The following CDKL2 variants were observed in gnomAD, a reference collection of about 807,000 sequenced individuals.
CDKL2 encodes the protein cyclin dependent kinase like 2, also known as cyclin-dependent kinase-like 2.
A neutral mutation model predicts 63.9 loss-of-function variants in CDKL2; 64 were observed. That is an observed-to-expected ratio of 1.00 (90% CI 0.82 to 1.23). The LOEUF (loss-of-function observed/expected upper bound fraction) is 1.23, where lower values mean the gene tolerates loss of function less well. Among genes scored for constraint, CDKL2 ranks in the 50% most tolerant of loss-of-function variants. The pLI, the probability that CDKL2 is intolerant of heterozygous loss-of-function variation, is 0.00. For missense variants in CDKL2, 656 were observed against 668.0 expected, an observed-to-expected ratio of 0.98 and a Z score of 0.20; for synonymous variants, 211 against 229.2, an observed-to-expected ratio of 0.92 and a Z score of 0.72.
intron 7 of CDKL2, 57 bp downstream of exon 7, chr4:75,600,224 G>T: frequency 1.8e-6 from 2 of 1,104,390 alleles, no homozygotes; most frequent in South Asian, 1.3e-5. Flanking sequence ...TGTGACTATT[G>T]TGGAAGACTT....
At chr4:75,600,507 G>C (rs1276281143) in intron 6 of CDKL2, 138 bp from the exon 7 acceptor site, 2 of 630,714 alleles carry the variant, frequency 3.2e-6, no homozygotes, top group Non-Finnish European at 5.6e-6. Context: ...GCCCAGGCTA[G>C]AGTGCAGTGG....
chr4:75,626,413 TC>T (rs1730410203), intron 1 of CDKL2, among the ~76,000 whole-genome samples: 1 of 152,202 alleles, frequency 6.6e-6, no homozygotes, highest in East Asian at 1.9e-4. Flanking sequence ...ACGCCTGTAA[TC>T]CCAACACTTT....
At chr4:75,581,015 C>A (rs1202720189) in intron 13 of CDKL2, among the ~76,000 whole-genome samples, 2 of 146,986 alleles carry the variant, frequency 1.4e-5, no homozygotes, top group African/African-American at 5.0e-5. Flanking sequence ...TTTTTTAATA[C>A]TAAAAAAGTT....
At chr4:75,595,873 G>A (rs1202278642) in intron 10 of CDKL2, among the ~76,000 whole-genome samples, 5 of 151,438 alleles carry the variant, frequency 3.3e-5, no homozygotes, top group African/African-American at 1.2e-4. Flanking sequence ...AGGTTACAGT[G>A]AGCCAAGATC....
chr4:75,604,069 GCT>G, intron 5 of CDKL2, 113 bp from the exon 6 acceptor site: 1 of 1,018,182 alleles, frequency 9.8e-7, no homozygotes, highest in Non-Finnish European at 1.4e-6. Flanking sequence ...GGAGTTTGGG[GCT>G]CTCTCAACAT....
Position 75,597,118 on chromosome 4 carries a change from T to G in CDKL2, c.1139A>C (p.Asp380Ala). Residue 380 changes from aspartate to alanine, a missense_variant, in exon 9 of 14, where the codon GAC becomes GCC. Transcript: ENST00000307465. ...NRASNASCLHDSRTSHNKIVP... is the reference protein window; with the variant it reads ...NRASNASCLHASRTSHNKIVP... ...TATTTTGTTGTGGCTTGTCCTACTG[T>G]CATGGAGACAGCTGGCATTTGAAGC... 6.2e-7 allele frequency: 1 copy of G among 1,614,184 alleles called. No homozygotes were observed. Among genetic ancestry groups the G allele is most frequent in the Non-Finnish European group, 8.5e-7 (1 of 1,180,018 alleles).
rs2148855243 is a variant in CDKL2 at position 75,581,900 on chromosome 4, T to C, written c.1648-2A>G. ...ATCTGACAGGGGAGGTCCTGATACC[T>C]ATAAATTAATAATAGAGCATCATAG... On this transcript the variant is annotated splice_acceptor_variant, in intron 12 of 13. Coordinates refer to ENST00000307465, the MANE Select transcript of CDKL2 (RefSeq NM_001330724.2). LOFTEE classifies it high-confidence loss of function. The C allele has an allele frequency of 6.2e-7, 1 of 1,600,218 alleles. No homozygotes were observed. Among genetic ancestry groups the C allele is most frequent in the East Asian group, 2.2e-5 (1 of 44,820 alleles).
At chr4:75,620,567 A>G (rs1270974040) in intron 2 of CDKL2, among the ~76,000 whole-genome samples, 2 of 152,244 alleles carry the variant, frequency 1.3e-5, no homozygotes, top group African/African-American at 4.8e-5. Flanking sequence ...AATATATAAC[A>G]TAACTACTTG....
At chr4:75,609,055 A>G (rs1729558903) in intron 3 of CDKL2, among the ~76,000 whole-genome samples, 1 of 151,990 alleles carries the variant, frequency 6.6e-6, no homozygotes, top group Non-Finnish European at 1.5e-5. Flanking sequence ...GATATTTTGT[A>G]GATATTTTGT....
At chr4:75,613,820 C>A (rs1729807098) in intron 3 of CDKL2, among the ~76,000 whole-genome samples, 1 of 152,182 alleles carries the variant, frequency 6.6e-6, no homozygotes, top group Non-Finnish European at 1.5e-5. Context: ...CTTTGGGAGG[C>A]CAAGGCAGGC....
In CDKL2 at chr4:75,607,264, G is replaced by A; in HGVS notation, c.461C>T (p.Pro154Leu). The A allele has an allele frequency of 1.9e-6, 3 of 1,614,064 alleles. No individual in the cohort carries two copies. Among genetic ancestry groups the A allele is most frequent in the Non-Finnish European group, 2.5e-6 (3 of 1,179,956 alleles). ...CACATAATCAGTATAAACCTCCCCA[G>A]GAGCTGCCAATGTTCGCGCAAATCC... ...DFGFARTLAA[P>L]GEVYTDYVAT... is the part of the protein sequence containing the mutation. Residue 154 changes from proline (P) to leucine (L), a missense_variant, in exon 4 of 14, where the codon CCT (proline) becomes CTT (leucine). Pro to Leu is a moderately conservative substitution (Grantham distance 98, BLOSUM62 -3). Coordinates refer to ENST00000307465, the MANE Select transcript of CDKL2 (RefSeq NM_001330724.2).
chr4:75,599,443 C>G (rs1729081912), intron 7 of CDKL2, among the ~76,000 whole-genome samples: 1 of 150,996 alleles, frequency 6.6e-6, no homozygotes, highest in African/African-American at 2.4e-5. Flanking sequence ...TGCCTGTAAT[C>G]CCAGCTACTC....
chr4:75,581,731 G>T, intron 13 of CDKL2, 79 bp downstream of exon 13: 1 of 712,378 alleles, frequency 1.4e-6, no homozygotes, highest in Non-Finnish European at 2.4e-6. Flanking sequence ...GGTTTCAGCT[G>T]AAAAATTGGT....
chr4:75,614,099 TA>T (rs1381713949), intron 3 of CDKL2, among the ~76,000 whole-genome samples, 155 bp downstream of exon 3: 4 of 152,100 alleles, frequency 2.6e-5, no homozygotes, highest in Non-Finnish European at 5.9e-5. Context: ...AGAAAACAAA[TA>T]TTTAACTCCA....
intron 3 of CDKL2, among the ~76,000 whole-genome samples, chr4:75,613,041 C>T (rs1406108188): frequency 6.6e-6 from 1 of 151,938 alleles, no homozygotes; most frequent in African/African-American, 2.4e-5. Context: ...CGGAGAATGG[C>T]GTGAGCCTGG....
chr4:75,600,357 T>C lies in CDKL2; in HGVS notation c.808A>G (p.Ile270Val), dbSNP rs756789219. 1.3e-5 allele frequency: 21 copies of C among 1,608,948 alleles called. No individual in the cohort carries two copies. The highest frequency in any genetic ancestry group is 1.7e-5 in the Non-Finnish European group (20 of 1,176,428). ...VIDLAKKCLH[I>V]DPDKRPFCAE... ...CAGAAGGGTCTTTTGTCGGGGTCAA[T>C]ATGTAAGCATTTCTGAAAAATTAAG... The change falls in exon 7 of 14, where the codon ATT (isoleucine) becomes GTT (valine). Residue 270 changes from isoleucine (I) to valine (V), a missense_variant. Physicochemically the swap from Ile to Val is conservative, Grantham distance 29. Transcript: ENST00000307465.
At chr4:75,595,307 C>A (rs1174784778) in intron 10 of CDKL2, among the ~76,000 whole-genome samples, 1 of 151,016 alleles carries the variant, frequency 6.6e-6, no homozygotes, top group Non-Finnish European at 1.5e-5. Context: ...ACTTTCCAGG[C>A]TCAAGCAACC....
At chr4:75,602,365 A>C (rs1030657420) in intron 6 of CDKL2, among the ~76,000 whole-genome samples, 25 of 152,082 alleles carry the variant, frequency 1.6e-4, no homozygotes, top group African/African-American at 6.0e-4. Context: ...TTTTTAGTAG[A>C]GATGGGGTTT....
intron 3 of CDKL2, among the ~76,000 whole-genome samples, chr4:75,608,609 A>G (rs943887663): frequency 6.6e-6 from 1 of 152,220 alleles, no homozygotes; most frequent in East Asian, 1.9e-4. Context: ...GAAGAAGAGC[A>G]GTGGGACCAG....
Sources: allele counts gnomAD v4.1 joint callset (sites outside exome capture counted in the v4.1 genomes callset), GRCh38; gene constraint gnomAD v4.1.1; transcripts MANE v1.5; gene names NCBI Gene and HGNC (gene_info 2026-07-23, HGNC 2026-07-21).